CFAP299: variants seen among roughly 807,000 people sequenced by gnomAD.
The protein encoded by CFAP299 is cilia- and flagella-associated protein 299.
In CFAP299, 21 loss-of-function variants were observed where a neutral mutation model predicts 27.0. The observed-to-expected ratio is 0.78, with a 90% CI of 0.55 to 1.12. The LOEUF (loss-of-function observed/expected upper bound fraction) is 1.12, where lower values mean the gene tolerates loss of function less well. CFAP299 is among the 50% of genes most tolerant of loss of function. The pLI is 0.00. For missense variants in CFAP299, 310 were observed against 276.6 expected, an observed-to-expected ratio of 1.12 and a Z score of -0.86; for synonymous variants, 104 against 98.1, an observed-to-expected ratio of 1.06 and a Z score of -0.36.
chr4:80,595,771 TTTA>T (rs772249527), intron 3 of CFAP299, among the ~76,000 whole-genome samples: 12 of 152,310 alleles, frequency 7.9e-5, no homozygotes, highest in Admixed American at 1.3e-4. Flanking sequence ...GTATGAAATA[TTTA>T]TTAAGTTATC....
chr4:80,662,561 T>C (rs1007815985), intron 3 of CFAP299, among the ~76,000 whole-genome samples: 2 of 152,134 alleles, frequency 1.3e-5, no homozygotes, highest in African/African-American at 2.4e-5. Context: ...TAAAGCAAAA[T>C]GCTGCTACTT....
intron 2 of CFAP299, among the ~76,000 whole-genome samples, chr4:80,419,412 G>A (rs535772645): frequency 6.6e-6 from 1 of 152,280 alleles, no homozygotes; most frequent in South Asian, 2.1e-4. Context: ...CACTTGAGGT[G>A]TTCTTTCCTT....
intron 3 of CFAP299, among the ~76,000 whole-genome samples, chr4:80,689,911 G>T (rs543661378): frequency 6.1e-4 from 93 of 151,860 alleles, no homozygotes; most frequent in Admixed American, 1.4e-3. Flanking sequence ...TGATAAAACA[G>T]ACTTTAAACC....
chr4:80,381,175 C>G (rs1724679113), intron 2 of CFAP299, among the ~76,000 whole-genome samples: 1 of 152,132 alleles, frequency 6.6e-6, no homozygotes, highest in African/African-American at 2.4e-5. Context: ...AACAAAATGC[C>G]TTTAAAAATA....
At chr4:80,875,414 C>A (rs940153310) in intron 4 of CFAP299, among the ~76,000 whole-genome samples, 5 of 152,158 alleles carry the variant, frequency 3.3e-5, no homozygotes, top group African/African-American at 1.2e-4. Flanking sequence ...GTAATCCCAG[C>A]ACTTTGGGAG....
intron 3 of CFAP299, among the ~76,000 whole-genome samples, chr4:80,671,385 T>A (rs1741474313): frequency 6.6e-6 from 1 of 152,182 alleles, no homozygotes; most frequent in Non-Finnish European, 1.5e-5. Flanking sequence ...CTGTTTTGGT[T>A]ACAAAAACTC....
chr4:80,547,110 C>T (rs1427728704), intron 2 of CFAP299, among the ~76,000 whole-genome samples: 1 of 152,028 alleles, frequency 6.6e-6, no homozygotes, highest in African/African-American at 2.4e-5. Flanking sequence ...AGAGGCATAA[C>T]ACTACCTGAC....
intron 3 of CFAP299, among the ~76,000 whole-genome samples, chr4:80,785,278 G>A (rs752910339): frequency 5.3e-5 from 8 of 151,818 alleles, no homozygotes; most frequent in Non-Finnish European, 7.4e-5. Context: ...TCCTAGCATC[G>A]TATATTGAAG....
intron 3 of CFAP299, among the ~76,000 whole-genome samples, chr4:80,713,792 A>G (rs1025286259): frequency 6.6e-6 from 1 of 152,236 alleles, no homozygotes; most frequent in African/African-American, 2.4e-5. Context: ...ATTTACACAA[A>G]ATAATAAAGT....
chr4:80,752,462 A>AAT (rs1724991682), intron 3 of CFAP299, among the ~76,000 whole-genome samples: 2 of 147,730 alleles, frequency 1.4e-5, no homozygotes, highest in Admixed American at 6.8e-5. Flanking sequence ...TATAAAATAC[A>AAT]ATATATATAT....
In CFAP299 at chr4:80,869,991, A is replaced by G; in HGVS notation, c.334-2A>G. On this transcript the variant is annotated splice_acceptor_variant, in intron 3 of 5. Coordinates refer to ENST00000358105, the MANE Select transcript of CFAP299 (RefSeq NM_152770.3). LOFTEE classifies it high-confidence loss of function. The stretch of plus-strand genomic sequence containing the variant: ...GTCTTATTCTCTATTCTGTGCTACC[A>G]GTCCGTGATCTTTATTCGTGACAGA... 6.2e-7 allele frequency: 1 copy of G among 1,607,362 alleles called. No individual in the cohort carries two copies. The highest frequency in any genetic ancestry group is 8.5e-7 in the Non-Finnish European group (1 of 1,177,264).
intron 2 of CFAP299, among the ~76,000 whole-genome samples, chr4:80,526,792 C>T (rs6534993): frequency 0.38 from 58,479 of 151,936 alleles, 14,611 homozygotes; most frequent in African/African-American, 0.71. Flanking sequence ...TTACATTTTA[C>T]CTTACACACC....
intron 3 of CFAP299, among the ~76,000 whole-genome samples, chr4:80,851,454 C>T (rs1054644231): frequency 5.3e-5 from 8 of 151,742 alleles, no homozygotes; most frequent in South Asian, 2.1e-4. Flanking sequence ...CATTATTTCA[C>T]GATTATGTCA....
At chr4:80,539,650 A>G (rs1166524654) in intron 2 of CFAP299, among the ~76,000 whole-genome samples, 1 of 152,190 alleles carries the variant, frequency 6.6e-6, no homozygotes, top group East Asian at 1.9e-4. Context: ...AATTTGTAAT[A>G]TGATTTTCAT....
chr4:80,538,820 C>G (rs1733869116), intron 2 of CFAP299, among the ~76,000 whole-genome samples: 1 of 152,012 alleles, frequency 6.6e-6, no homozygotes, highest in Non-Finnish European at 1.5e-5. Flanking sequence ...GAATATATAC[C>G]CGTAAAGTGA....
At chr4:80,596,453 C>G (rs971319759) in intron 3 of CFAP299, among the ~76,000 whole-genome samples, 2 of 152,048 alleles carry the variant, frequency 1.3e-5, no homozygotes, top group African/African-American at 4.8e-5. Context: ...TTTAAGATAG[C>G]TTTCACATTT....
intron 4 of CFAP299, among the ~76,000 whole-genome samples, chr4:80,893,078 A>G (rs1438372412): frequency 2.0e-5 from 3 of 151,978 alleles, no homozygotes; most frequent in Non-Finnish European, 4.4e-5. Context: ...GATGCATTAT[A>G]TCCACTAACA....
intron 2 of CFAP299, among the ~76,000 whole-genome samples, chr4:80,565,451 T>A (rs1578607161): frequency 6.6e-6 from 1 of 151,894 alleles, no homozygotes; most frequent in African/African-American, 2.4e-5. Context: ...AATTCTTTTT[T>A]TAAAAAACGA....
intron 2 of CFAP299, among the ~76,000 whole-genome samples, chr4:80,421,689 A>G (rs183840068): frequency 1.7e-4 from 26 of 152,322 alleles, no homozygotes; most frequent in African/African-American, 6.0e-4. Flanking sequence ...GATTTCATGA[A>G]TGAACTTAAG....
Sources: gnomAD v4.1 joint callset for allele counts (sites outside exome capture counted in the v4.1 genomes callset) on GRCh38, gnomAD v4.1.1 for gene constraint, MANE v1.5 for transcripts, NCBI Gene and HGNC (gene_info 2026-07-23, HGNC 2026-07-21) for gene names.